HYAL4: variants seen among roughly 807,000 people sequenced by gnomAD.
The protein encoded by HYAL4 is hyaluronidase 4, also known as hyaluronidase-4.
Under a neutral mutation model 35.2 loss-of-function variants are expected in HYAL4, and 37 were observed. The ratio of observed to expected loss-of-function variants is 1.05; its 90% CI spans 0.81 to 1.38. The LOEUF is 1.38. Among genes scored for constraint, HYAL4 ranks in the 40% most tolerant of loss-of-function variants. The probability of loss-of-function intolerance (pLI) is 0.00; values close to 1 mark genes in which losing one functional copy is unlikely to be tolerated. For synonymous variants in HYAL4, 198 were observed against 203.2 expected (o/e 0.97, Z 0.22); for missense variants, 572 against 572.4 (o/e 1.00, Z 0.01).
chr7:123,769,821 GAA>G, the HYAL4 span, among the ~76,000 whole-genome samples: 5 of 118,742 alleles, frequency 4.2e-5, no homozygotes, highest in Non-Finnish European at 3.5e-5. Context: ...AAAGAGACTT[GAA>G]AAAAAAAAAA....
At chr7:123,774,397 C>T in the HYAL4 span, among the ~76,000 whole-genome samples, 1 of 152,052 alleles carries the variant, frequency 6.6e-6, no homozygotes, top group East Asian at 1.9e-4. Context: ...TGCTCCTTTG[C>T]CTTGATCTTC....
the HYAL4 span, among the ~76,000 whole-genome samples, chr7:123,813,035 A>G: frequency 6.6e-6 from 1 of 152,002 alleles, no homozygotes; most frequent in Non-Finnish European, 1.5e-5. Context: ...TACGACTTGA[A>G]CTCAAGTTTC....
At chr7:123,803,717 A>G in the HYAL4 span, among the ~76,000 whole-genome samples, 1 of 152,192 alleles carries the variant, frequency 6.6e-6, no homozygotes, top group East Asian at 1.9e-4. Context: ...AAAATTCCTA[A>G]CTGCCTGCAG....
chr7:123,863,495 A>AGG (rs2116948608), intron 2 of HYAL4, among the ~76,000 whole-genome samples: 1 of 152,248 alleles, frequency 6.6e-6, no homozygotes, highest in East Asian at 1.9e-4. Flanking sequence ...CATATGATTT[A>AGG]GGTTTTGGCT....
In HYAL4 at chr7:123,868,823, G is replaced by C; in HGVS notation, c.550G>C (p.Glu184Gln). 1 of 1,614,176 alleles carries C rather than the reference G, an allele frequency of 6.2e-7. No individual in the cohort carries two copies. The highest frequency in any genetic ancestry group is 8.5e-7 in the Non-Finnish European group (1 of 1,180,026). ...AAAGAATGTATCAGCTACCGATATT[G>C]AATATTTAGCCAAAGTGACCTTTGA... is the stretch of plus-strand genomic sequence containing the variant. ...MGKNVSATDI[E>Q]YLAKVTFEES... The change falls in exon 3 of 5, where the codon GAA (glutamate) becomes CAA (glutamine). Residue 184 changes from glutamate (E) to glutamine (Q), a missense_variant. By Grantham distance (29) the Glu-to-Gln change is conservative. Coordinates refer to ENST00000223026, the MANE Select transcript of HYAL4 (RefSeq NM_012269.3).
At chr7:123,769,832 A>C in the HYAL4 span, among the ~76,000 whole-genome samples, 80 of 152,130 alleles carry the variant, frequency 5.3e-4, no homozygotes, top group South Asian at 1.2e-3. Context: ...AAAAAAAAAA[A>C]AAAACACCGT....
At chr7:123,785,396 GGATTTCTTTAAACAAATAAAACAT>G in the HYAL4 span, among the ~76,000 whole-genome samples, 1 of 152,116 alleles carries the variant, frequency 6.6e-6, no homozygotes, top group Non-Finnish European at 1.5e-5. The surrounding 1 kb of genome is among the most constrained non-coding windows in gnomAD (Gnocchi z 4.5). Flanking sequence ...CTAAGTATTT[GGATTTCTTTAAACAAATAAAACAT>G]GTCTCACTTG....
the HYAL4 span, among the ~76,000 whole-genome samples, chr7:123,770,869 C>A: frequency 1.3e-5 from 2 of 151,802 alleles, no homozygotes; most frequent in South Asian, 4.2e-4. Context: ...CAATTATAGT[C>A]CGTGAAAGGC....
chr7:123,774,058 G>A, the HYAL4 span, among the ~76,000 whole-genome samples: 1 of 151,980 alleles, frequency 6.6e-6, no homozygotes, highest in Admixed American at 6.6e-5. Context: ...ATCTTGTTCT[G>A]TTGCCCATGC....
chr7:123,870,014 G>C (rs1054534216), intron 3 of HYAL4, among the ~76,000 whole-genome samples: 1 of 152,188 alleles, frequency 6.6e-6, no homozygotes, highest in African/African-American at 2.4e-5. Flanking sequence ...GGATAATTTT[G>C]TGTAACCTTT....
upstream of HYAL4, among the ~76,000 whole-genome samples, chr7:123,844,829 C>T (rs1562994584): frequency 6.6e-6 from 1 of 152,160 alleles, no homozygotes; most frequent in East Asian, 1.9e-4. Flanking sequence ...GGCGTGGGAC[C>T]CACCGAGCCA....
upstream of HYAL4, among the ~76,000 whole-genome samples, chr7:123,826,817 A>T (rs1029758836): frequency 2.0e-5 from 3 of 152,122 alleles, no homozygotes; most frequent in Non-Finnish European, 4.4e-5. Context: ...AATGGTAGCA[A>T]GGGTTGAATT....
At chr7:123,848,843 C>A (rs940190476) in intron 2 of HYAL4, among the ~76,000 whole-genome samples, 2 of 152,094 alleles carry the variant, frequency 1.3e-5, no homozygotes, top group Non-Finnish European at 2.9e-5. Context: ...TAAAAGGGCT[C>A]AGAAAGTGGA....
chr7:123,803,134 C>T, the HYAL4 span, among the ~76,000 whole-genome samples: 3 of 152,162 alleles, frequency 2.0e-5, no homozygotes, highest in East Asian at 5.8e-4. Context: ...ATAAAGAGGC[C>T]ACAGACTCCA....
the HYAL4 span, among the ~76,000 whole-genome samples, chr7:123,803,132 G>T: frequency 2.6e-5 from 4 of 152,244 alleles, no homozygotes; most frequent in Admixed American, 2.0e-4. Context: ...AGATAAAGAG[G>T]CCACAGACTC....
chr7:123,794,253 A>G, the HYAL4 span, among the ~76,000 whole-genome samples: 1 of 152,332 alleles, frequency 6.6e-6, no homozygotes. Flanking sequence ...AAGAGAAAGC[A>G]GAGCATAAAA....
chr7:123,823,303 A>G, the HYAL4 span, among the ~76,000 whole-genome samples: 2 of 152,186 alleles, frequency 1.3e-5, no homozygotes, highest in African/African-American at 2.4e-5. Flanking sequence ...AATAAATCCT[A>G]CTTGATCATG....
intron 2 of HYAL4, among the ~76,000 whole-genome samples, chr7:123,850,544 A>G (rs142510152): frequency 2.8e-4 from 43 of 152,240 alleles, no homozygotes; most frequent in African/African-American, 9.6e-4. Context: ...GACTCTACTT[A>G]TAATAGAATT....
chr7:123,763,958 C>T, the HYAL4 span, among the ~76,000 whole-genome samples: 14 of 152,210 alleles, frequency 9.2e-5, no homozygotes, highest in African/African-American at 2.4e-5. Flanking sequence ...CAGTGTGTCT[C>T]TCAGGCAAGC....
Sources: gnomAD v4.1 joint callset for allele counts (sites outside exome capture counted in the v4.1 genomes callset) on GRCh38, gnomAD v4.1.1 for gene constraint, Gnocchi (gnomAD v3.1) non-coding constraint, MANE v1.5 for transcripts, NCBI Gene and HGNC (gene_info 2026-07-23, HGNC 2026-07-21) for gene names.